The following CACNA1D variants were observed in gnomAD, a reference collection of about 807,000 sequenced individuals.
CACNA1D encodes voltage-dependent L-type calcium channel subunit alpha-1D.
CACNA1D carries 55 observed loss-of-function variants against 257.1 expected under a neutral mutation model. The observed-to-expected ratio is 0.21, with a 90% CI of 0.17 to 0.27. The LOEUF (loss-of-function observed/expected upper bound fraction) is 0.27, where lower values mean the gene tolerates loss of function less well. Ranked by LOEUF, CACNA1D falls within the 10% of genes least tolerant of loss-of-function variation. CACNA1D has a pLI of 1.00. For missense variants in CACNA1D, 1,876 were observed against 2,784.0 expected, an observed-to-expected ratio of 0.67 and a Z score of 7.34; for synonymous variants, 980 against 1,014.9, an observed-to-expected ratio of 0.97 and a Z score of 0.65.
At chr3:53,523,001 G>C (rs1339343910) in intron 3 of CACNA1D, among the ~76,000 whole-genome samples, 1 of 152,144 alleles carries the variant, frequency 6.6e-6, no homozygotes, top group African/African-American at 2.4e-5. Context: ...CCACATAAGA[G>C]TGAGAACATG....
At chr3:53,765,614 A>G (rs893619731) in intron 30 of CACNA1D, 1 of 152,594 alleles carries the variant, frequency 6.6e-6, no homozygotes, top group Non-Finnish European at 1.5e-5. Flanking sequence ...ATTGTTCCCC[A>G]TCCCATAGAT....
At chr3:53,519,765 C>T (rs1215925965) in intron 3 of CACNA1D, among the ~76,000 whole-genome samples, 1 of 152,180 alleles carries the variant, frequency 6.6e-6, no homozygotes. Flanking sequence ...TTTCATCACC[C>T]AAAGAAACCC....
At position 53,598,954 on chromosome 3, in the gene CACNA1D, CCAGT is replaced by C. The variant is rs2093406908; in HGVS notation, c.484-51822_484-51819del. On this transcript the variant is annotated intron_variant, in intron 3 of 47. Coordinates refer to ENST00000350061, the MANE Select transcript of CACNA1D (RefSeq NM_001128840.3). ...TTTCTTGAGGTCATGAGCAAATTAA[CCAGT>C]CAAGGAAGTAAATAAGTAAGTTTTG... Among the ~76,000 whole-genome samples the C allele has an allele frequency of 2.6e-5, 4 of 151,556 alleles. No homozygotes were observed. The South Asian group carries it at 8.4e-4, about 32-fold the overall frequency.
intron 3 of CACNA1D, among the ~76,000 whole-genome samples, chr3:53,504,962 C>T (rs1436338617): frequency 6.6e-6 from 1 of 152,080 alleles, no homozygotes; most frequent in Non-Finnish European, 1.5e-5. Flanking sequence ...CCAAGTCAGA[C>T]CTTCTTTGAT....
Position 53,616,438 on chromosome 3 carries a change from G to C in CACNA1D, c.484-34341G>C, listed in dbSNP as rs189078864. Among the ~76,000 whole-genome samples the C allele has an allele frequency of 5.3e-5, 8 of 152,262 alleles. No homozygotes were observed. The East Asian group carries it at 1.5e-3, about 29-fold the overall frequency. On this transcript the variant is annotated intron_variant, in intron 3 of 47. Coordinates refer to ENST00000350061, the MANE Select transcript of CACNA1D (RefSeq NM_001128840.3). ...GTGTCTTCCTGTCCCCTCTTTCTCT[G>C]CTCTCCCTCACAGAGGCTCACACGC...
intron 20 of CACNA1D, 88 bp downstream of exon 20, chr3:53,735,591 T>A (rs919806788): frequency 1.1e-4 from 164 of 1,444,724 alleles, no homozygotes; most frequent in Non-Finnish European, 1.8e-5. Context: ...GTGGAGGCCC[T>A]CAAGGTGACA....
At chr3:53,749,137 C>T in intron 26 of CACNA1D, 131 bp from the exon 27 acceptor site, 1 of 723,976 alleles carries the variant, frequency 1.4e-6, no homozygotes, top group Non-Finnish European at 2.5e-6. Context: ...TTGTGTCCAG[C>T]AGCCTTGGGG....
Position 53,495,258 on chromosome 3 carries a change from C to A in CACNA1D, c.67+25C>A. 1 of 1,612,626 alleles carries A rather than the reference C, an allele frequency of 6.2e-7. No individual in the cohort carries two copies. The highest frequency in any genetic ancestry group is 8.5e-7 in the Non-Finnish European group (1 of 1,179,600). On this transcript the variant is annotated intron_variant, in intron 1 of 47. Coordinates refer to ENST00000350061, the MANE Select transcript of CACNA1D (RefSeq NM_001128840.3). This position sits in a 1 kb window ranked among gnomAD's most constrained non-coding sequence, Gnocchi z 5.1. ...GGTGAGCAGCCAGAGCCCGGGCACC[C>A]GCTGCCAAATCCGATCCTGTCATGG...
chr3:53,701,846 G>A (rs1336258532), intron 8 of CACNA1D, among the ~76,000 whole-genome samples: 2 of 152,184 alleles, frequency 1.3e-5, no homozygotes, highest in East Asian at 3.9e-4. Context: ...CCCACAATTG[G>A]GAACATTTAC....
Position 53,801,080 on chromosome 3 carries a change from A to G in CACNA1D, c.5063A>G (p.Asn1688Ser). Residue 1688 changes from asparagine to serine, a missense_variant, in exon 42 of 48, where the codon AAC becomes AGC. Physicochemically the swap from Asn to Ser is conservative, Grantham distance 46. Coordinates refer to ENST00000350061, the MANE Select transcript of CACNA1D (RefSeq NM_001128840.3). ...CAGAGAAATGGTGCCCTGCTTGGAA[A>G]CCATGTCAATCATGTTAATAGTGAT... ...VFKRNGALLGNHVNHVNSDRR... is the reference protein window; with the variant it reads ...VFKRNGALLGSHVNHVNSDRR... The G allele has an allele frequency of 6.2e-7, 1 of 1,613,802 alleles. No individual in the cohort carries two copies. The highest frequency in any genetic ancestry group is 8.5e-7 in the Non-Finnish European group (1 of 1,179,842).
intron 8 of CACNA1D, among the ~76,000 whole-genome samples, chr3:53,689,858 C>T (rs1446509407): frequency 2.6e-5 from 4 of 152,116 alleles, no homozygotes; most frequent in Admixed American, 2.0e-4. Context: ...AACAGGATCT[C>T]TCTATGTTGC....
At chr3:53,602,826 C>A (rs556295021) in intron 3 of CACNA1D, among the ~76,000 whole-genome samples, 16 of 152,192 alleles carry the variant, frequency 1.1e-4, no homozygotes, top group African/African-American at 3.6e-4. Context: ...GTTGTCTGAG[C>A]TCCTTATATA....
At chr3:53,528,882 CT>C (rs1289466722) in intron 3 of CACNA1D, among the ~76,000 whole-genome samples, 5 of 152,106 alleles carry the variant, frequency 3.3e-5, no homozygotes, top group African/African-American at 4.8e-5. Flanking sequence ...GTCACATTTA[CT>C]TATTACTTCC....
chr3:53,541,186 TTTGA>T (rs942348633), intron 3 of CACNA1D, among the ~76,000 whole-genome samples: 2 of 152,190 alleles, frequency 1.3e-5, no homozygotes, highest in African/African-American at 4.8e-5. Flanking sequence ...GGTCAAACAA[TTTGA>T]TTGTTTTAAA....
At chr3:53,680,266 G>A (rs930524692) in intron 8 of CACNA1D, among the ~76,000 whole-genome samples, 4 of 152,172 alleles carry the variant, frequency 2.6e-5, no homozygotes, top group Admixed American at 6.5e-5. Context: ...AACAGCAGTG[G>A]ACAGCAGCCA....
chr3:53,576,271 A>G (rs1280303881), intron 3 of CACNA1D, among the ~76,000 whole-genome samples: 2 of 152,200 alleles, frequency 1.3e-5, no homozygotes, highest in African/African-American at 4.8e-5. Flanking sequence ...AGAATCTCCT[A>G]AAGTTTGACT....
At chr3:53,626,363 T>C (rs376996050) in intron 3 of CACNA1D, among the ~76,000 whole-genome samples, 1 of 152,282 alleles carries the variant, frequency 6.6e-6, no homozygotes, top group African/African-American at 2.4e-5. Flanking sequence ...GCTTTATATA[T>C]GGTTGTAGCA....
chr3:53,764,289 A>G lies in CACNA1D; in HGVS notation c.3870+2208A>G, dbSNP rs369410015. On this transcript the variant is annotated intron_variant, in intron 30 of 47. Transcript: ENST00000350061. ...CTGCCCTGAGCTCTCTCCGAAGTTTATGGCTAGACATCTGCCACCTTAATC... is the reference window on the plus strand; with the variant it reads ...CTGCCCTGAGCTCTCTCCGAAGTTTGTGGCTAGACATCTGCCACCTTAATC... Among the ~76,000 whole-genome samples the G allele has an allele frequency of 3.8e-4, 58 of 152,366 alleles. 1 individual carries two copies. Among genetic ancestry groups the G allele is most frequent in the African/African-American group, 1.4e-3 (57 of 41,590 alleles).
intron 8 of CACNA1D, among the ~76,000 whole-genome samples, chr3:53,690,711 G>A (rs996865734): frequency 1.1e-4 from 16 of 152,214 alleles, no homozygotes; most frequent in Non-Finnish European, 1.5e-5. Flanking sequence ...GGATATGCCA[G>A]TAGGGGGTTC....
Sources: gnomAD v4.1 joint callset for allele counts (sites outside exome capture counted in the v4.1 genomes callset) on GRCh38, gnomAD v4.1.1 for gene constraint, Gnocchi (gnomAD v3.1) non-coding constraint, MANE v1.5 for transcripts, NCBI Gene and HGNC (gene_info 2026-07-23, HGNC 2026-07-21) for gene names.